The following NELL2 variants were observed in gnomAD, a reference collection of about 807,000 sequenced individuals.
The protein encoded by NELL2 is neural EGFL like 2.
Under a neutral mutation model 109.6 loss-of-function variants are expected in NELL2, and 41 were observed. The observed-to-expected ratio is 0.37, with a 90% confidence interval of 0.29 to 0.49. The LOEUF (loss-of-function observed/expected upper bound fraction) is 0.49. NELL2 is among the 20% of genes least tolerant of loss of function. NELL2 has a pLI of 0.98. For missense variants in NELL2, 900 were observed against 1,008.3 expected (o/e 0.89, Z 1.45); for synonymous variants, 355 against 344.7 (o/e 1.03, Z -0.33).
chr12:44,682,850 T>C (rs923529702), intron 12 of NELL2, among the ~76,000 whole-genome samples: 5 of 152,184 alleles, frequency 3.3e-5, no homozygotes, highest in African/African-American at 9.7e-5. Context: ...AGTCAGGTAG[T>C]GTGATGCCTC....
chr12:44,577,491 T>TTC lies in NELL2; in HGVS notation c.1663+29677_1663+29678insGA, dbSNP rs1339996401. Among the ~76,000 whole-genome samples the TTC allele has an allele frequency of 5.2e-4, 71 of 137,424 alleles. 4 individuals are homozygous for TTC. The highest frequency in any genetic ancestry group is 2.2e-3 in the African/African-American group (70 of 31,924). The allele number at this position is 137,424 out of a possible 152,430, so 90.2% of individuals were successfully genotyped here. On this transcript the variant is annotated intron_variant, in intron 15 of 19. Transcript: ENST00000429094. ...TTTTTTTTTTTTTTTTTTTTTTTTT[T>TTC]TGAGATGGAGTCTTGCTCTGTCTCC...
chr12:44,508,344 C>G lies in NELL2; in HGVS notation c.*590G>C, dbSNP rs907135842. The stretch of plus-strand genomic sequence containing the variant: ...CGAGCTTATACTGAACAAATTCAAC[C>G]AAATAATATTAAGTGCAGTAAAACA... On this transcript the variant is annotated 3_prime_UTR_variant, in exon 20 of 20. Coordinates refer to ENST00000429094, the MANE Select transcript of NELL2 (RefSeq NM_001145108.2). The G allele has an allele frequency of 1.3e-5, 2 of 152,472 alleles. No homozygotes were observed. The highest frequency in any genetic ancestry group is 4.8e-5 in the African/African-American group (2 of 41,398). 9.4% of individuals were successfully genotyped at this position (152,472 alleles called of 1,614,324 possible).
intron 13 of NELL2, among the ~76,000 whole-genome samples, chr12:44,641,713 T>C (rs1461607391): frequency 2.7e-5 from 4 of 146,206 alleles, no homozygotes; most frequent in Non-Finnish European, 6.0e-5. Flanking sequence ...TTTTTTTTTT[T>C]TGAGATGGAG....
At chr12:44,566,512 A>G (rs969562630) in intron 15 of NELL2, among the ~76,000 whole-genome samples, 4 of 144,336 alleles carry the variant, frequency 2.8e-5, no homozygotes, top group African/African-American at 5.1e-5. Context: ...TTGCATCTAC[A>G]CTAGTAGATA....
At chr12:44,575,542 C>A (rs1425002211) in intron 15 of NELL2, among the ~76,000 whole-genome samples, 1 of 152,126 alleles carries the variant, frequency 6.6e-6, no homozygotes, top group African/African-American at 2.4e-5. Flanking sequence ...TTGGTCTTGC[C>A]TTTTGGGTGT....
intron 2 of NELL2, among the ~76,000 whole-genome samples, chr12:44,865,310 T>C (rs1454190631): frequency 1.4e-5 from 2 of 147,514 alleles, no homozygotes; most frequent in African/African-American, 2.5e-5. Flanking sequence ...TTTTCTCCCA[T>C]GTTGTAGGTT....
At position 44,907,240 on chromosome 12, in the gene NELL2, G is replaced by A. The variant is rs1193569712; in HGVS notation, c.38+6559C>T. On this transcript the variant is annotated intron_variant, in intron 1 of 20. Transcript: ENST00000333837. The stretch of plus-strand genomic sequence containing the variant: ...CTCGGGTATTTCTTCATAGCAGCAT[G>A]AGAATGGATTAATACGAGCTATAAG... Among the ~76,000 whole-genome samples the A allele has an allele frequency of 2.6e-5, 4 of 152,160 alleles. 1 individual carries two copies. In the South Asian group the frequency reaches 8.3e-4, roughly 32 times the overall value.
At chr12:44,789,684 C>G (rs1942309806) in intron 3 of NELL2, among the ~76,000 whole-genome samples, 1 of 151,730 alleles carries the variant, frequency 6.6e-6, no homozygotes, top group Admixed American at 6.6e-5. Context: ...CAGGGAGACA[C>G]CAGAGAAAGA....
chr12:44,606,682 T>C (rs1945414102), intron 15 of NELL2, among the ~76,000 whole-genome samples: 1 of 152,042 alleles, frequency 6.6e-6, no homozygotes. Flanking sequence ...TGAGAAATAA[T>C]TGAGGAGTAG....
intron 2 of NELL2, among the ~76,000 whole-genome samples, chr12:44,825,685 C>A (rs75451056): frequency 0.16 from 23,316 of 149,484 alleles, 2,345 homozygotes; most frequent in Middle Eastern, 0.28. Flanking sequence ...CATGAGCCAC[C>A]GCACCCAGCC....
chr12:44,743,398 G>A (rs552429386), intron 9 of NELL2, among the ~76,000 whole-genome samples: 313 of 152,218 alleles, frequency 2.1e-3, no homozygotes, highest in African/African-American at 6.8e-3. Context: ...ATCAACTAAC[G>A]AGCAAAATAA....
At chr12:44,919,673 A>G (rs1945854930) in intron 1 of NELL2, among the ~76,000 whole-genome samples, 1 of 152,206 alleles carries the variant, frequency 6.6e-6, no homozygotes, top group Admixed American at 6.5e-5. Context: ...AAGATTGCCA[A>G]CAAAACACTG....
intron 13 of NELL2, among the ~76,000 whole-genome samples, chr12:44,616,658 C>T (rs1412607479): frequency 6.6e-6 from 1 of 152,126 alleles, no homozygotes; most frequent in Non-Finnish European, 1.5e-5. Flanking sequence ...GCTGCTTAGT[C>T]ATATTCCTCT....
intron 13 of NELL2, among the ~76,000 whole-genome samples, chr12:44,635,548 C>A (rs1391595237): frequency 6.6e-6 from 1 of 152,104 alleles, no homozygotes; most frequent in African/African-American, 2.4e-5. Flanking sequence ...GAAATCCTTT[C>A]CCCATTGCTT....
intron 16 of NELL2, among the ~76,000 whole-genome samples, chr12:44,529,864 T>A (rs1193455538): frequency 6.6e-6 from 1 of 152,204 alleles, no homozygotes; most frequent in Non-Finnish European, 1.5e-5. Flanking sequence ...AGGAATTTTG[T>A]TCTAAAGGGG....
At chr12:44,774,157 A>G (rs1389712255) in intron 9 of NELL2, among the ~76,000 whole-genome samples, 3 of 152,246 alleles carry the variant, frequency 2.0e-5, no homozygotes, top group Non-Finnish European at 4.4e-5. Context: ...TCTAGAACCC[A>G]GTTAAGGGTA....
chr12:44,588,513 T>C (rs984588489), intron 15 of NELL2, among the ~76,000 whole-genome samples: 5 of 152,288 alleles, frequency 3.3e-5, no homozygotes, highest in Admixed American at 2.0e-4. Context: ...GATCTTCCCT[T>C]GCATGCCACA....
intron 1 of NELL2, among the ~76,000 whole-genome samples, chr12:44,902,310 AAG>A (rs1261893180): frequency 3.3e-5 from 5 of 152,282 alleles, no homozygotes; most frequent in African/African-American, 9.6e-5. Flanking sequence ...AATTGCTACA[AAG>A]AGAATACAAT....
intron 2 of NELL2, among the ~76,000 whole-genome samples, chr12:44,864,307 G>A (rs1259259638): frequency 6.6e-6 from 1 of 151,978 alleles, no homozygotes; most frequent in East Asian, 1.9e-4. Context: ...GCAAGACCCA[G>A]ATACATGCCA....
Sources: allele counts gnomAD v4.1 joint callset (sites outside exome capture counted in the v4.1 genomes callset), GRCh38; gene constraint gnomAD v4.1.1; transcripts MANE v1.5; gene names NCBI Gene and HGNC (gene_info 2026-07-23, HGNC 2026-07-21).